Variants in XRCC4 observed in about 807,000 individuals in gnomAD.
XRCC4 encodes the protein DNA repair protein XRCC4.
A neutral mutation model predicts 39.1 loss-of-function variants in XRCC4; 28 were observed. The observed-to-expected ratio is 0.72, with a 90% CI of 0.53 to 0.98. XRCC4 has a LOEUF of 0.98. XRCC4 is among the 50% of genes least tolerant of loss of function. XRCC4 has a pLI of 0.00. For missense variants in XRCC4, 350 were observed against 376.4 expected (o/e 0.93, Z 0.58); for synonymous variants, 123 against 126.4 (o/e 0.97, Z 0.18).
At chr5:83,128,552 G>A (rs1283148799) in intron 3 of XRCC4, among the ~76,000 whole-genome samples, 5 of 152,170 alleles carry the variant, frequency 3.3e-5, no homozygotes, top group Admixed American at 3.3e-4. Flanking sequence ...TCACCACACT[G>A]TCTTCCACAA....
At chr5:83,116,910 C>CTATAAT (rs1447371558) in intron 3 of XRCC4, among the ~76,000 whole-genome samples, 1 of 152,136 alleles carries the variant, frequency 6.6e-6, no homozygotes, top group East Asian at 1.9e-4. Context: ...GCATGAGTCA[C>CTATAAT]TGTGCCCAGC....
chr5:83,307,902 T>A (rs1344916085), intron 7 of XRCC4, among the ~76,000 whole-genome samples: 1 of 152,166 alleles, frequency 6.6e-6, no homozygotes, highest in Non-Finnish European at 1.5e-5. Context: ...AATAATCAAA[T>A]AGCTTAGCGT....
intron 7 of XRCC4, among the ~76,000 whole-genome samples, chr5:83,279,122 T>C (rs923869773): frequency 4.1e-5 from 6 of 147,912 alleles, no homozygotes; most frequent in Admixed American, 2.7e-4. Context: ...TCTATATCAG[T>C]TTGAAACACA....
At chr5:83,309,296 A>AAAAAAAAAAAATATATATAT (rs1561467702) in intron 7 of XRCC4, among the ~76,000 whole-genome samples, 2 of 72,232 alleles carry the variant, frequency 2.8e-5, no homozygotes, top group Non-Finnish European at 4.1e-5. Flanking sequence ...AAAAAAAAAA[A>AAAAAAAAAAAATATATATAT]ATATATATAT....
intron 3 of XRCC4, among the ~76,000 whole-genome samples, chr5:83,162,404 G>A (rs1202685396): frequency 6.6e-6 from 1 of 152,032 alleles, no homozygotes; most frequent in Non-Finnish European, 1.5e-5. Flanking sequence ...TGGGGGGAGT[G>A]ATAAGTAAAA....
At chr5:83,287,938 C>T (rs1048764578) in intron 7 of XRCC4, among the ~76,000 whole-genome samples, 2 of 151,770 alleles carry the variant, frequency 1.3e-5, no homozygotes, top group Non-Finnish European at 2.9e-5. Context: ...TAAATTTCCT[C>T]TCTAAGCACT....
chr5:83,357,751 T>C (rs1393292311), downstream of XRCC4, among the ~76,000 whole-genome samples: 7 of 152,132 alleles, frequency 4.6e-5, no homozygotes, highest in African/African-American at 1.7e-4. Context: ...TCGAAGGTCA[T>C]AGGGCCCTTC....
rs374010254 is a variant in XRCC4, at chr5:83,353,154, C to T, written c.917C>T (p.Thr306Met). ...KEKPDSSLPE[T>M]SKKEHISAEN... ...AGGCCTGATTCTTCACTACCTGAGACGTCTAAAAAGGAGCACATCTCAGCT... is the reference window on the plus strand; with the variant it reads ...AGGCCTGATTCTTCACTACCTGAGATGTCTAAAAAGGAGCACATCTCAGCT... The change falls in exon 8 of 8, where the codon ACG becomes ATG. Residue 306 changes from threonine (T) to methionine (M), a missense_variant. Physicochemically the swap from Thr to Met is moderately conservative, Grantham distance 81 (BLOSUM62 -1). Coordinates refer to ENST00000396027, the MANE Select transcript of XRCC4 (RefSeq NM_003401.5). 4.9e-5 allele frequency: 79 copies of T among 1,610,516 alleles called. No homozygotes were observed. The Middle Eastern group carries it at 8.3e-4, about 17-fold the overall frequency.
chr5:83,120,826 T>C (rs1746975826), intron 3 of XRCC4, among the ~76,000 whole-genome samples: 1 of 152,176 alleles, frequency 6.6e-6, no homozygotes. Flanking sequence ...ATATAGAAAG[T>C]ATACAACTGG....
At chr5:83,300,580 C>CTTT (rs70973390) in intron 7 of XRCC4, among the ~76,000 whole-genome samples, 2 of 122,074 alleles carry the variant, frequency 1.6e-5, no homozygotes, top group Middle Eastern at 4.7e-3. Flanking sequence ...GTGTGTGTCC[C>CTTT]TTTTTTTTTT....
Position 83,195,778 on chromosome 5 carries a change from T to G in XRCC4, c.324T>G (p.Leu108=). ...TTTTTCTTTCATTTTAGTTCAGACTTGGTTCCTTCAACCTAGAGAAAGTTG... is the reference window on the plus strand; with the variant it reads ...TTTTTCTTTCATTTTAGTTCAGACTGGGTTCCTTCAACCTAGAGAAAGTTG... ...EKNLKDVSFR[L]GSFNLEKVEN... The change falls in exon 4 of 8, where the codon CTT becomes CTG. Residue 108 remains leucine, a synonymous_variant. Coordinates refer to ENST00000396027, the MANE Select transcript of XRCC4 (RefSeq NM_003401.5). 1 of 1,588,306 alleles carries G rather than the reference T, an allele frequency of 6.3e-7. No homozygotes were observed.
At chr5:83,352,713 C>T (rs919582591) in intron 7 of XRCC4, among the ~76,000 whole-genome samples, 3 of 152,170 alleles carry the variant, frequency 2.0e-5, no homozygotes, top group Non-Finnish European at 2.9e-5. Flanking sequence ...GTGACCAAAA[C>T]TTTCTGCTGC....
intron 2 of XRCC4, among the ~76,000 whole-genome samples, chr5:83,107,624 A>G (rs1746261234): frequency 6.6e-6 from 1 of 151,892 alleles, no homozygotes; most frequent in Admixed American, 6.6e-5. Flanking sequence ...GTAAGTCACA[A>G]AGTGGGTTAA....
chr5:83,209,121 T>A (rs1432174516), intron 6 of XRCC4, among the ~76,000 whole-genome samples: 1 of 150,164 alleles, frequency 6.7e-6, no homozygotes, highest in African/African-American at 2.4e-5. Context: ...TGTGTGTGTG[T>A]GAATTTAATA....
chr5:83,235,416 A>G (rs940405669), intron 6 of XRCC4, among the ~76,000 whole-genome samples: 1 of 152,064 alleles, frequency 6.6e-6, no homozygotes, highest in Admixed American at 6.6e-5. Flanking sequence ...CAACATATGC[A>G]AATCAATAAA....
intron 7 of XRCC4, among the ~76,000 whole-genome samples, chr5:83,309,296 A>AAAAAAAAATATATAT (rs1561467702): frequency 1.4e-5 from 1 of 72,232 alleles, no homozygotes; most frequent in Non-Finnish European, 2.1e-5. Flanking sequence ...AAAAAAAAAA[A>AAAAAAAAATATATAT]ATATATATAT....
chr5:83,203,105 C>A (rs1237954792), intron 4 of XRCC4, among the ~76,000 whole-genome samples: 2 of 151,914 alleles, frequency 1.3e-5, no homozygotes, highest in Non-Finnish European at 2.9e-5. Context: ...TGTTGTGGAG[C>A]AGTTTGTTGT....
At chr5:83,141,818 G>T (rs182435826) in intron 3 of XRCC4, among the ~76,000 whole-genome samples, 90 of 149,374 alleles carry the variant, frequency 6.0e-4, no homozygotes, top group East Asian at 3.9e-4. Flanking sequence ...AGGTAGGTCA[G>T]GTCTCAGATA....
At chr5:83,246,573 G>A (rs987743550) in intron 6 of XRCC4, among the ~76,000 whole-genome samples, 3 of 151,838 alleles carry the variant, frequency 2.0e-5, no homozygotes, top group Admixed American at 2.0e-4. Context: ...AATTTTTGGG[G>A]CATCTAATAC....
Sources: gnomAD v4.1 joint callset for allele counts (sites outside exome capture counted in the v4.1 genomes callset) on GRCh38, gnomAD v4.1.1 for gene constraint, MANE v1.5 for transcripts, NCBI Gene and HGNC (gene_info 2026-07-23, HGNC 2026-07-21) for gene names.